Variants in FARP2 observed in about 807,000 individuals in gnomAD.
FARP2 encodes FERM, ARHGEF and pleckstrin domain-containing protein 2.
FARP2 carries 111 observed loss-of-function variants against 130.5 expected under a neutral mutation model. That is an observed-to-expected ratio of 0.85 (90% CI 0.73 to 1.00). FARP2 has a LOEUF of 1.00. Ranked by LOEUF, FARP2 falls within the 50% of genes least tolerant of loss-of-function variation. The pLI, the probability that FARP2 is intolerant of heterozygous loss-of-function variation, is 0.00. For missense variants in FARP2, 1,385 were observed against 1,346.3 expected, an observed-to-expected ratio of 1.03 and a Z score of -0.45; for synonymous variants, 504 against 516.9, an observed-to-expected ratio of 0.98 and a Z score of 0.34.
chr2:241,492,055 A>G (rs2064934473), intron 24 of FARP2, among the ~76,000 whole-genome samples: 1 of 152,190 alleles, frequency 6.6e-6, no homozygotes, highest in Non-Finnish European at 1.5e-5. Context: ...GCACCCTGCC[A>G]TAGAAGGTTG....
Position 241,407,577 on chromosome 2 carries a change from T to C in FARP2, c.372T>C (p.Phe124=). ...TGCTTCGCCTAGCTGTAAAATTTTT[T>C]CCACCTGATCCTGGTCAGCTACAAG... ...NVVLRLAVKF[F]PPDPGQLQEE... The change falls in exon 5 of 27, where the codon TTT becomes TTC. Residue 124 remains phenylalanine, a synonymous_variant. Transcript: ENST00000264042. 2 of 1,614,162 alleles carry C rather than the reference T, an allele frequency of 1.2e-6. No individual in the cohort carries two copies. The highest frequency in any genetic ancestry group is 1.7e-6 in the Non-Finnish European group (2 of 1,179,978).
chr2:241,384,966 G>T (rs2150318431), intron 2 of FARP2, among the ~76,000 whole-genome samples: 1 of 152,260 alleles, frequency 6.6e-6, no homozygotes, highest in Non-Finnish European at 1.5e-5. Flanking sequence ...ATAGAAACAT[G>T]TCCTAAATTT....
intron 8 of FARP2, among the ~76,000 whole-genome samples, chr2:241,424,716 A>G (rs2062888212): frequency 6.6e-6 from 1 of 152,222 alleles, no homozygotes; most frequent in Non-Finnish European, 1.5e-5. Flanking sequence ...TAGACTAGTA[A>G]AGAAGATAAT....
chr2:241,462,679 ATC>A (rs2150473274), intron 15 of FARP2, 67 bp downstream of exon 15: 1 of 1,103,944 alleles, frequency 9.1e-7, no homozygotes, highest in South Asian at 1.3e-5. Context: ...ACAGAGAAAT[ATC>A]TCTTTTTTTT....
rs192774732 is a variant in FARP2 at position 241,364,579 on chromosome 2, T to G, written c.-25+8191T>G. Among the ~76,000 whole-genome samples, 179 of 152,326 alleles carry G rather than the reference T, an allele frequency of 1.2e-3. 1 individual carries two copies. Among genetic ancestry groups the G allele is most frequent in the African/African-American group, 3.9e-3 (162 of 41,574 alleles). On this transcript the variant is annotated intron_variant, in intron 1 of 26. Transcript: ENST00000264042. ...CTTTATAAAGCCCCTATTATTAAAATAGTCCAAGAAGTAAAGCTACTCTTG... is the reference window on the plus strand; with the variant it reads ...CTTTATAAAGCCCCTATTATTAAAAGAGTCCAAGAAGTAAAGCTACTCTTG...
intron 5 of FARP2, among the ~76,000 whole-genome samples, chr2:241,410,337 A>G (rs2062481097): frequency 6.6e-6 from 1 of 152,190 alleles, no homozygotes; most frequent in Non-Finnish European, 1.5e-5. Flanking sequence ...GACTAACAGA[A>G]GTAATGTGAA....
At chr2:241,442,156 T>G (rs1559774797) in intron 13 of FARP2, 1 of 441,650 alleles carries the variant, frequency 2.3e-6, no homozygotes. Context: ...AAACAGCCAG[T>G]CTGAAAACAG....
Position 241,373,286 on chromosome 2 carries a change from T to C in FARP2, c.179T>C (p.Ile60Thr), listed in dbSNP as rs753323048. The C allele has an allele frequency of 2.1e-6, 3 of 1,435,476 alleles. No individual in the cohort carries two copies. The highest frequency in any genetic ancestry group is 2.8e-6 in the Non-Finnish European group (3 of 1,080,632). The allele number at this position is 1,435,476 out of a possible 1,614,324, so 88.9% of individuals were successfully genotyped here. The change falls in exon 2 of 27, where the codon ATT becomes ACT. Residue 60 changes from isoleucine (I) to threonine (T), a missense_variant. Transcript: ENST00000264042. Reference sequence around the variant, plus strand: ...GACAACACCATGGAAATATTTGACATTGAGGTAAGAAGCATGATTTTTGGA... The same window carrying C: ...GACAACACCATGGAAATATTTGACACTGAGGTAAGAAGCATGATTTTTGGA... ...LLDNTMEIFD[I>T]EPKCDGQVLL...
intron 2 of FARP2, among the ~76,000 whole-genome samples, chr2:241,398,093 A>C (rs1424560549): frequency 6.6e-6 from 1 of 151,876 alleles, no homozygotes; most frequent in African/African-American, 2.4e-5. Context: ...GGCCTCCCAA[A>C]GTGCTGGGAT....
At chr2:241,445,865 T>G (rs1042367109) in intron 13 of FARP2, 12 of 152,278 alleles carry the variant, frequency 7.9e-5, no homozygotes, top group African/African-American at 2.9e-4. Flanking sequence ...GGGGCTGCAC[T>G]GGTAGCTCCC....
intron 5 of FARP2, 33 bp from the exon 6 acceptor site, chr2:241,411,000 T>A (rs756554066): frequency 1.5e-6 from 2 of 1,372,162 alleles, no homozygotes; most frequent in Admixed American, 3.6e-5. Context: ...ACATTTGGAA[T>A]TGATCTCTGT....
intron 5 of FARP2, 66 bp downstream of exon 5, chr2:241,407,681 A>G: frequency 1.7e-6 from 2 of 1,198,088 alleles, no homozygotes; most frequent in Non-Finnish European, 2.5e-6. Flanking sequence ...TATCTCCCAC[A>G]GCACCTGGCT....
intron 13 of FARP2, chr2:241,446,878 C>T (rs559212064): frequency 3.3e-5 from 5 of 152,284 alleles, no homozygotes; most frequent in Admixed American, 6.5e-5. Context: ...CGTGGTGGTC[C>T]ATGCCTGACG....
intron 1 of FARP2, among the ~76,000 whole-genome samples, chr2:241,356,741 CCCGTGG>C: frequency 6.6e-6 from 1 of 152,282 alleles, no homozygotes; most frequent in South Asian, 2.1e-4. Context: ...TGAGTTGTGC[CCCGTGG>C]AGGCCGGCAG....
At chr2:241,388,075 A>G (rs1332854646) in intron 2 of FARP2, among the ~76,000 whole-genome samples, 2 of 152,224 alleles carry the variant, frequency 1.3e-5, no homozygotes, top group Non-Finnish European at 2.9e-5. Context: ...AGCAGATCTT[A>G]CAATGTATAT....
chr2:241,431,639 G>T, intron 8 of FARP2, 40 bp from the exon 9 acceptor site: 1 of 1,004,780 alleles, frequency 1.0e-6, no homozygotes, highest in Non-Finnish European at 1.6e-6. Context: ...GGGGTTATGT[G>T]CCAGATACAA....
chr2:241,478,810 C>T, intron 19 of FARP2: 1 of 395,798 alleles, frequency 2.5e-6, no homozygotes, highest in Admixed American at 3.2e-5. Flanking sequence ...TGGTGTCCAC[C>T]ATGTCCGACA....
At chr2:241,387,905 A>G (rs529125853) in intron 2 of FARP2, among the ~76,000 whole-genome samples, 1 of 152,320 alleles carries the variant, frequency 6.6e-6, no homozygotes, top group African/African-American at 2.4e-5. Flanking sequence ...GAAAATCATA[A>G]AAGTATTGAA....
At chr2:241,470,064 C>T (rs1183798585) in intron 18 of FARP2, among the ~76,000 whole-genome samples, 1 of 152,246 alleles carries the variant, frequency 6.6e-6, no homozygotes, top group Non-Finnish European at 1.5e-5. Context: ...CATGACCCCA[C>T]TCTCCAAATG....
Sources: allele counts gnomAD v4.1 joint callset (sites outside exome capture counted in the v4.1 genomes callset), GRCh38; gene constraint gnomAD v4.1.1; transcripts MANE v1.5; gene names NCBI Gene and HGNC (gene_info 2026-07-23, HGNC 2026-07-21).